The following UNC80 variants were observed in gnomAD, a reference collection of about 807,000 sequenced individuals.
UNC80 encodes the protein unc-80 subunit of NALCN channel complex.
In UNC80, 164 loss-of-function variants were observed where a neutral mutation model predicts 384.6. The ratio of observed to expected loss-of-function variants is 0.43; its 90% CI spans 0.38 to 0.49. The LOEUF is 0.49. UNC80 is among the 20% of genes least tolerant of loss of function. The probability of loss-of-function intolerance (pLI) is 0.00; values close to 1 mark genes in which losing one functional copy is unlikely to be tolerated. For missense variants in UNC80, 3,330 were observed against 4,143.0 expected, an observed-to-expected ratio of 0.80 and a Z score of 5.39; for synonymous variants, 1,486 against 1,527.8, an observed-to-expected ratio of 0.97 and a Z score of 0.64.
At chr2:209,938,706 C>CTG (rs2091418395) in intron 42 of UNC80, among the ~76,000 whole-genome samples, 1 of 140,790 alleles carries the variant, frequency 7.1e-6, no homozygotes, top group Admixed American at 6.9e-5. Flanking sequence ...CTCTCTCTCT[C>CTG]TCTCTGTGTG....
At position 209,939,583 on chromosome 2, in the gene UNC80, C is replaced by G. The variant is rs1302288159; in HGVS notation, c.6577C>G (p.Leu2193Val). 1 of 1,551,856 alleles carries G rather than the reference C, an allele frequency of 6.4e-7. No homozygotes were observed. The highest frequency in any genetic ancestry group is 8.7e-7 in the Non-Finnish European group (1 of 1,146,958). Residue 2193 changes from leucine to valine, a missense_variant, in exon 43 of 65, where the codon CTC becomes GTC. Transcript: ENST00000673920. ...CCACGTCTCCATGCTTCAGGAAGAC[C>G]TCCTCCGCCTGCCCTCATTCCCTCG... is the stretch of plus-strand genomic sequence containing the variant. ...QSHVSMLQED[L>V]LRLPSFPRSA... is the part of the protein sequence containing the mutation.
At chr2:209,798,579 T>A (rs2078318405) in intron 7 of UNC80, among the ~76,000 whole-genome samples, 1 of 152,306 alleles carries the variant, frequency 6.6e-6, no homozygotes, top group South Asian at 2.1e-4. Context: ...TAGTATAGTT[T>A]GAAGTCAGAT....
chr2:209,873,977 ATG>A (rs3032480), intron 23 of UNC80, among the ~76,000 whole-genome samples: 27,143 of 150,126 alleles, frequency 0.18, 3,382 homozygotes, highest in African/African-American at 0.36. Context: ...ACACGTATGT[ATG>A]TGTGTGTGTG....
At chr2:209,826,954 C>T (rs1239922182) in intron 14 of UNC80, among the ~76,000 whole-genome samples, 1 of 152,104 alleles carries the variant, frequency 6.6e-6, no homozygotes, top group African/African-American at 2.4e-5. Flanking sequence ...ACAGTATTAG[C>T]ATGCTGGGTT....
At position 209,970,864 on chromosome 2, in the gene UNC80, T is replaced by C. The variant is rs192951497; in HGVS notation, c.8163T>C (p.Ala2721=). ...GAGTGGTAGGACCTTCCAGTGTTGC[T>C]GATGGATTACCCCTTCTTCATCTCA... ...VMGVVGPSSV[A]DGLPLLHLSP... Residue 2721 remains alanine, a synonymous_variant, in exon 54 of 65, where the codon GCT becomes GCC. Coordinates refer to ENST00000673920, the MANE Select transcript of UNC80 (RefSeq NM_001371986.1). 2 of 1,551,734 alleles carry C rather than the reference T, an allele frequency of 1.3e-6. No homozygotes were observed. The highest frequency in any genetic ancestry group is 2.0e-5 in the Admixed American group (1 of 51,006).
intron 22 of UNC80, chr2:209,869,020 A>C (rs1054467373): frequency 1.3e-5 from 2 of 152,278 alleles, no homozygotes; most frequent in African/African-American, 4.8e-5. Context: ...CCACCAGCAA[A>C]TTCTCTGTGG....
intron 26 of UNC80, among the ~76,000 whole-genome samples, chr2:209,892,451 C>G (rs1310077640): frequency 6.6e-6 from 1 of 152,138 alleles, no homozygotes; most frequent in Non-Finnish European, 1.5e-5. Context: ...CTGCTGTGCT[C>G]CTTGTAAATA....
At chr2:209,808,619 G>A (rs1020873063) in intron 7 of UNC80, among the ~76,000 whole-genome samples, 1 of 152,278 alleles carries the variant, frequency 6.6e-6, no homozygotes, top group Non-Finnish European at 1.5e-5. Context: ...GCCTTAGGGG[G>A]AGGCACGCCT....
At chr2:209,785,009 C>G (rs554672750) in intron 4 of UNC80, among the ~76,000 whole-genome samples, 2 of 150,790 alleles carry the variant, frequency 1.3e-5, no homozygotes, top group East Asian at 4.0e-4. Flanking sequence ...GAGTTCTTTT[C>G]CTTCCATCCC....
chr2:209,936,648 A>G (rs546270937), intron 40 of UNC80, among the ~76,000 whole-genome samples, 196 bp from the exon 41 acceptor site: 43 of 151,990 alleles, frequency 2.8e-4, no homozygotes, highest in African/African-American at 9.2e-4. Context: ...GTATATATAT[A>G]TGTGTGTGTG....
intron 13 of UNC80, among the ~76,000 whole-genome samples, chr2:209,825,618 T>G (rs957176778): frequency 6.6e-6 from 1 of 152,166 alleles, no homozygotes; most frequent in African/African-American, 2.4e-5. Flanking sequence ...GGTGGTTGTC[T>G]AACAGCAGTC....
At position 209,955,754 on chromosome 2, in the gene UNC80, CACACAG is replaced by C. The variant is rs1332486615; in HGVS notation, c.7457+1486_7457+1491del. Among the ~76,000 whole-genome samples, 478 of 118,838 alleles carry C rather than the reference CACACAG, an allele frequency of 4.0e-3. 12 individuals carry two copies. Among genetic ancestry groups the C allele is most frequent in the African/African-American group, 9.7e-3 (289 of 29,866 alleles). 78.0% of individuals were successfully genotyped at this position (118,838 alleles called of 152,430 possible). A position where few individuals can be genotyped will look rare whatever the true frequency, so the allele number is the denominator to read the frequency against. On this transcript the variant is annotated intron_variant, in intron 48 of 64. Transcript: ENST00000673920. ...ATATATATATACACACACACACACA[CACACAG>C]AGAGAGACTGACTCACTCTGTCACC...
At chr2:209,971,464 CAAA>C (rs35804573) in intron 54 of UNC80, among the ~76,000 whole-genome samples, 12 of 133,754 alleles carry the variant, frequency 9.0e-5, no homozygotes, top group African/African-American at 1.7e-4. Context: ...ATTCCCAAGG[CAAA>C]AAAAAAAAAA....
chr2:209,792,502 C>T lies in UNC80; in HGVS notation c.799-1218C>T, dbSNP rs568793296. Among the ~76,000 whole-genome samples the T allele has an allele frequency of 7.2e-5, 11 of 152,132 alleles. No homozygotes were observed. In the South Asian group the frequency reaches 1.0e-3, roughly 14 times the overall value. ...AGCTGGGACTACAGGCGCCCACCAC[C>T]GCGCCCAGCTAATTTTTTGTATTTT... On this transcript the variant is annotated intron_variant, in intron 6 of 64. Transcript: ENST00000673920.
intron 25 of UNC80, among the ~76,000 whole-genome samples, chr2:209,887,417 GAAAGGCTCTCCACTTTTA>G (rs1178091801): frequency 2.6e-5 from 4 of 152,064 alleles, no homozygotes; most frequent in Non-Finnish European, 5.9e-5. Context: ...CTACAGCCTG[GAAAGGCTCTCCACTTTTA>G]AGGATTTGTG....
At chr2:209,841,068 CTG>C (rs966270279) in intron 20 of UNC80, among the ~76,000 whole-genome samples, 1 of 146,324 alleles carries the variant, frequency 6.8e-6, no homozygotes, top group Non-Finnish European at 1.5e-5. Flanking sequence ...GAACCACTGT[CTG>C]TATTGAAAAG....
intron 26 of UNC80, among the ~76,000 whole-genome samples, chr2:209,892,323 A>G (rs2086416143): frequency 6.6e-6 from 1 of 152,196 alleles, no homozygotes; most frequent in South Asian, 2.1e-4. Flanking sequence ...TATCCAATTT[A>G]GATGGATTTG....
intron 33 of UNC80, among the ~76,000 whole-genome samples, chr2:209,918,957 C>T (rs1193158571): frequency 6.6e-6 from 1 of 152,094 alleles, no homozygotes; most frequent in Non-Finnish European, 1.5e-5. Context: ...CTATTTATTA[C>T]AAACGAACAT....
chr2:209,994,307 C>A, intron 64 of UNC80, 43 bp downstream of exon 64: 1 of 1,492,108 alleles, frequency 6.7e-7, no homozygotes, highest in Non-Finnish European at 9.0e-7. Context: ...TCCCTGTGTA[C>A]TTACTTCTAG....
Sources: gnomAD v4.1 joint callset for allele counts (sites outside exome capture counted in the v4.1 genomes callset) on GRCh38, gnomAD v4.1.1 for gene constraint, MANE v1.5 for transcripts, NCBI Gene and HGNC (gene_info 2026-07-23, HGNC 2026-07-21) for gene names.